VPS35L: variants seen among roughly 807,000 people sequenced by gnomAD.
VPS35L encodes VPS35 endosomal protein sorting factor like, also known as VPS35 endosomal protein-sorting factor-like.
A neutral mutation model predicts 133.0 loss-of-function variants in VPS35L; 83 were observed. That is an observed-to-expected ratio of 0.62 (90% CI 0.52 to 0.75). The LOEUF is 0.75. Among genes scored for constraint, VPS35L ranks in the 30% least tolerant of loss-of-function variants. The pLI is 0.00. For synonymous variants in VPS35L, 423 were observed against 449.9 expected, an observed-to-expected ratio of 0.94 and a Z score of 0.76; for missense variants, 1,083 against 1,206.8, an observed-to-expected ratio of 0.90 and a Z score of 1.52.
At chr16:19,610,762 C>G (rs1401236406) in intron 12 of VPS35L, among the ~76,000 whole-genome samples, 1 of 152,158 alleles carries the variant, frequency 6.6e-6, no homozygotes, top group Non-Finnish European at 1.5e-5. Context: ...TTCAAACATG[C>G]TCTTCCTTTG....
chr16:19,615,990 A>AATG (rs916938917), intron 12 of VPS35L, 124 bp from the exon 13 acceptor site: 14 of 378,318 alleles, frequency 3.7e-5, no homozygotes, highest in Non-Finnish European at 5.7e-5. Context: ...TAATAATAAT[A>AATG]ATAATAATTT....
At chr16:19,612,487 C>G (rs1165471416) in intron 12 of VPS35L, among the ~76,000 whole-genome samples, 1 of 152,194 alleles carries the variant, frequency 6.6e-6, no homozygotes, top group Non-Finnish European at 1.5e-5. Flanking sequence ...CTCCTCACTT[C>G]AGGTAATCTG....
At chr16:19,630,408 A>G (rs1446952257) in intron 18 of VPS35L, among the ~76,000 whole-genome samples, 3 of 136,884 alleles carry the variant, frequency 2.2e-5, no homozygotes, top group Admixed American at 8.8e-5. Flanking sequence ...GTCTCGGCTC[A>G]CTGCAAGCTC....
chr16:19,569,388 G>T, intron 2 of VPS35L, 36 bp from the exon 3 acceptor site: 1 of 1,597,292 alleles, frequency 6.3e-7, no homozygotes, highest in Non-Finnish European at 8.5e-7. Context: ...GAGAGTTGTG[G>T]GAGTTCCGTT....
chr16:19,635,944 G>A (rs1392077527), intron 19 of VPS35L, among the ~76,000 whole-genome samples: 2 of 152,188 alleles, frequency 1.3e-5, no homozygotes, highest in African/African-American at 2.4e-5. Flanking sequence ...ATCACTTTGG[G>A]AAGCCAAGAT....
chr16:19,661,180 A>G (rs1008787836), intron 26 of VPS35L, among the ~76,000 whole-genome samples: 11 of 151,806 alleles, frequency 7.2e-5, no homozygotes, highest in African/African-American at 2.4e-4. Flanking sequence ...CTTGGTGTCA[A>G]TCAGTACCCT....
At chr16:19,605,014 C>G (rs1025889508) in intron 9 of VPS35L, among the ~76,000 whole-genome samples, 4 of 152,218 alleles carry the variant, frequency 2.6e-5, no homozygotes. Flanking sequence ...ACCATCTTCT[C>G]AGCATTCCCA....
intron 7 of VPS35L, among the ~76,000 whole-genome samples, chr16:19,583,209 A>G (rs1033079062): frequency 6.6e-6 from 1 of 152,016 alleles, no homozygotes; most frequent in African/African-American, 2.4e-5. Context: ...AAACATTTTT[A>G]TACCTCCCCA....
At chr16:19,670,441 T>C (rs1431870156) in intron 27 of VPS35L, among the ~76,000 whole-genome samples, 1 of 152,230 alleles carries the variant, frequency 6.6e-6, no homozygotes, top group East Asian at 1.9e-4. Flanking sequence ...GGCTGCAGTT[T>C]CCTTGTCTAT....
intron 23 of VPS35L, among the ~76,000 whole-genome samples, chr16:19,646,285 A>G (rs1973946225): frequency 6.6e-6 from 1 of 152,124 alleles, no homozygotes. Flanking sequence ...GTTCTCAGTC[A>G]GTGATTCCAG....
rs1199021087 is a variant in VPS35L, at chr16:19,627,887, G to C, written c.1383+82G>C. 4 of 1,100,762 alleles carry C rather than the reference G, an allele frequency of 3.6e-6. No homozygotes were observed. In the South Asian group the frequency reaches 5.1e-5, roughly 14 times the overall value. 68.2% of individuals were successfully genotyped at this position (1,100,762 alleles called of 1,614,324 possible). On this transcript the variant is annotated intron_variant, in intron 16 of 30. Transcript: ENST00000417362. ...CTCTTGAGAGACAGTCCGGTTTTGG[G>C]AACAGCATGGGCCAGCAGGAACACA...
chr16:19,660,036 C>T (rs74011486), intron 26 of VPS35L, among the ~76,000 whole-genome samples: 7,332 of 152,116 alleles, frequency 0.048, 584 homozygotes, highest in African/African-American at 0.16. Flanking sequence ...TAAGAACTTA[C>T]GATTTTTGGC....
intron 1 of VPS35L, among the ~76,000 whole-genome samples, chr16:19,564,058 T>G (rs1339099631): frequency 6.6e-6 from 1 of 152,182 alleles, no homozygotes; most frequent in Non-Finnish European, 1.5e-5. Flanking sequence ...TCCAGTATGC[T>G]GGCAGCTGTT....
intron 1 of VPS35L, among the ~76,000 whole-genome samples, chr16:19,561,802 C>T (rs1028062285): frequency 6.6e-6 from 1 of 152,058 alleles, no homozygotes; most frequent in Admixed American, 6.6e-5. Context: ...GTGCACATGT[C>T]TTTTGTTAAA....
chr16:19,586,601 A>C (rs1346445523), intron 7 of VPS35L, among the ~76,000 whole-genome samples: 2 of 152,120 alleles, frequency 1.3e-5, no homozygotes, highest in Non-Finnish European at 2.9e-5. Context: ...CGGCCTCCCA[A>C]AGTGCCAGGA....
Position 19,587,332 on chromosome 16 carries a change from A to G in VPS35L, c.640-4458A>G, listed in dbSNP as rs547415818. 99 of 452,808 alleles carry G rather than the reference A, an allele frequency of 2.2e-4. 4 individuals carry two copies. The highest frequency in any genetic ancestry group is 2.0e-3 in the Middle Eastern group (6 of 3,060). 28.0% of individuals were successfully genotyped at this position (452,808 alleles called of 1,614,324 possible). A position where few individuals can be genotyped will look rare whatever the true frequency, so the allele number is the denominator to read the frequency against. On this transcript the variant is annotated intron_variant, in intron 7 of 30. Coordinates refer to ENST00000417362, the MANE Select transcript of VPS35L (RefSeq NM_020314.7). Reference sequence around the variant, plus strand: ...TACTGAGATCTTGGCACTTTTGTTAAAAATCAATTGACCAAGGCTGGGCGT... The same window carrying G: ...TACTGAGATCTTGGCACTTTTGTTAGAAATCAATTGACCAAGGCTGGGCGT...
At chr16:19,601,906 A>G (rs1972395933) in intron 9 of VPS35L, among the ~76,000 whole-genome samples, 183 bp downstream of exon 9, 1 of 152,204 alleles carries the variant, frequency 6.6e-6, no homozygotes, top group Non-Finnish European at 1.5e-5. Flanking sequence ...AGGTTTCTAA[A>G]TGGCCCGTGT....
At chr16:19,659,030 G>T (rs1319480883) in intron 26 of VPS35L, among the ~76,000 whole-genome samples, 1 of 152,162 alleles carries the variant, frequency 6.6e-6, no homozygotes, top group African/African-American at 2.4e-5. Context: ...TATTAGGTTA[G>T]TTCTTCTATA....
At chr16:19,668,312 T>C (rs1974762347) in intron 26 of VPS35L, among the ~76,000 whole-genome samples, 1 of 152,182 alleles carries the variant, frequency 6.6e-6, no homozygotes, top group Non-Finnish European at 1.5e-5. Flanking sequence ...TTTGATTGTT[T>C]TGACCTTGAG....
Sources: allele counts gnomAD v4.1 joint callset (sites outside exome capture counted in the v4.1 genomes callset), GRCh38; gene constraint gnomAD v4.1.1; transcripts MANE v1.5; gene names NCBI Gene and HGNC (gene_info 2026-07-23, HGNC 2026-07-21).